The following CADM2 variants were observed in gnomAD, a reference collection of about 807,000 sequenced individuals.
CADM2 encodes the protein cell adhesion molecule 2, also known as immunoglobulin superfamily member 4D.
CADM2 carries 12 observed loss-of-function variants against 49.8 expected under a neutral mutation model. The ratio of observed to expected loss-of-function variants is 0.24; its 90% CI spans 0.15 to 0.39. The LOEUF (loss-of-function observed/expected upper bound fraction) is 0.39. Among genes scored for constraint, CADM2 ranks in the 10% least tolerant of loss-of-function variants. The pLI, the probability that CADM2 is intolerant of heterozygous loss-of-function variation, is 1.00. For synonymous variants in CADM2, 214 were observed against 175.4 expected (o/e 1.22, Z -1.74); for missense variants, 378 against 492.3 (o/e 0.77, Z 2.20).
At chr3:85,769,795 C>T (rs1459250658) in intron 2 of CADM2, among the ~76,000 whole-genome samples, 2 of 150,610 alleles carry the variant, frequency 1.3e-5, no homozygotes, top group Non-Finnish European at 2.9e-5. Context: ...TGATTTTGAC[C>T]TATAAGTAGA....
intron 1 of CADM2, among the ~76,000 whole-genome samples, chr3:85,156,692 A>G (rs745651255): frequency 8.8e-4 from 134 of 152,326 alleles, no homozygotes; most frequent in Admixed American, 4.7e-3. Flanking sequence ...CATATTTCAA[A>G]ATAATAAGAG....
At chr3:85,060,272 G>A (rs191598753) in intron 1 of CADM2, among the ~76,000 whole-genome samples, 368 of 151,974 alleles carry the variant, frequency 2.4e-3, no homozygotes, top group African/African-American at 7.5e-3. Flanking sequence ...GATTACAGGC[G>A]CCCACCACCA....
intron 1 of CADM2, among the ~76,000 whole-genome samples, chr3:85,125,955 T>C (rs2039020395): frequency 6.6e-6 from 1 of 152,228 alleles, no homozygotes; most frequent in Non-Finnish European, 1.5e-5. Flanking sequence ...TATATAATGT[T>C]CATTGTATCT....
chr3:85,212,895 TC>T (rs1323907930), intron 1 of CADM2, among the ~76,000 whole-genome samples: 1 of 136,016 alleles, frequency 7.4e-6, no homozygotes, highest in African/African-American at 3.5e-5. Flanking sequence ...TCTCTTTCTT[TC>T]TTTTAATGGA....
intron 1 of CADM2, among the ~76,000 whole-genome samples, chr3:85,372,857 A>G (rs2033350889): frequency 6.6e-6 from 1 of 151,984 alleles, no homozygotes. Context: ...AACCATCAGA[A>G]CTCATGAGAC....
At chr3:85,398,765 A>G (rs2034930366) in intron 1 of CADM2, among the ~76,000 whole-genome samples, 1 of 152,208 alleles carries the variant, frequency 6.6e-6, no homozygotes, top group African/African-American at 2.4e-5. Flanking sequence ...AGTGATGATG[A>G]GCATTTTTTA....
intron 1 of CADM2, among the ~76,000 whole-genome samples, chr3:85,689,717 G>A (rs9814427): frequency 1.1e-3 from 162 of 152,272 alleles, no homozygotes; most frequent in African/African-American, 3.8e-3. Context: ...ATTTTAAAAA[G>A]ATATTGAAAA....
Position 85,129,850 on chromosome 3 carries a change from T to C in CADM2, c.61+170182T>C, listed in dbSNP as rs534144670. 2.6e-5 allele frequency among the ~76,000 whole-genome samples: 4 copies of C among 152,238 alleles called. No homozygotes were observed. In the East Asian group the frequency reaches 5.8e-4, roughly 22 times the overall value. On this transcript the variant is annotated intron_variant, in intron 1 of 9. Transcript: ENST00000383699. ...TACATATAAACCCATGTTTGTACTA[T>C]AACACACTGACTCTAATAACTGGGA... is the stretch of plus-strand genomic sequence containing the variant.
At chr3:85,597,913 A>T (rs1420084454) in intron 1 of CADM2, among the ~76,000 whole-genome samples, 2 of 152,062 alleles carry the variant, frequency 1.3e-5, no homozygotes, top group Non-Finnish European at 2.9e-5. Flanking sequence ...GGAAAATGTG[A>T]TTAAATGCTG....
chr3:85,951,663 A>T (rs1367505367), intron 7 of CADM2, among the ~76,000 whole-genome samples: 1 of 150,730 alleles, frequency 6.6e-6, no homozygotes, highest in Non-Finnish European at 1.5e-5. Flanking sequence ...ACAACAAAAA[A>T]CCTCCAAGAT....
At chr3:85,634,050 C>CTT (rs2064388029) in intron 1 of CADM2, among the ~76,000 whole-genome samples, 1 of 151,830 alleles carries the variant, frequency 6.6e-6, no homozygotes, top group Non-Finnish European at 1.5e-5. Flanking sequence ...TTCCAGAGCT[C>CTT]TTTAGGTGAG....
At chr3:85,059,028 A>G (rs922522316) in intron 1 of CADM2, among the ~76,000 whole-genome samples, 12 of 151,870 alleles carry the variant, frequency 7.9e-5, no homozygotes, top group African/African-American at 2.9e-4. Flanking sequence ...TCATGAGGTC[A>G]GGAGATTGAC....
intron 1 of CADM2, among the ~76,000 whole-genome samples, chr3:85,397,053 C>A (rs2034826914): frequency 6.6e-6 from 1 of 151,910 alleles, no homozygotes; most frequent in African/African-American, 2.4e-5. Flanking sequence ...AAAACTCCTA[C>A]AACACAACAA....
intron 1 of CADM2, among the ~76,000 whole-genome samples, chr3:85,281,088 T>C (rs1003414135): frequency 2.0e-5 from 3 of 151,884 alleles, no homozygotes; most frequent in Non-Finnish European, 4.4e-5. Flanking sequence ...TATTTGGGAA[T>C]GTATGTAAAG....
intron 2 of CADM2, among the ~76,000 whole-genome samples, chr3:85,793,667 G>A (rs1031075167): frequency 3.9e-5 from 6 of 152,134 alleles, no homozygotes; most frequent in African/African-American, 1.4e-4. Flanking sequence ...TGGAGCTGGT[G>A]TGAGCCAACT....
intron 1 of CADM2, among the ~76,000 whole-genome samples, chr3:85,166,435 T>C (rs1048071325): frequency 6.6e-6 from 1 of 151,962 alleles, no homozygotes; most frequent in East Asian, 1.9e-4. Context: ...TATTCAGACA[T>C]AATTATCCTA....
rs946817430 is a variant in CADM2 at position 85,961,852 on chromosome 3, AT to A, written c.970+214del. ...CTGATAAAATTGTAACATACATAAA[AT>A]TTTTTTTTGTAAAAAGCTTTCTCAA... is the stretch of plus-strand genomic sequence containing the variant. On this transcript the variant is annotated intron_variant, in intron 8 of 9. Transcript: ENST00000383699. 1.0e-3 allele frequency among the ~76,000 whole-genome samples: 154 copies of A among 151,414 alleles called. 1 individual carries two copies. The highest frequency in any genetic ancestry group is 3.4e-3 in the Middle Eastern group (1 of 292).
At chr3:85,524,056 A>C (rs1471528501) in intron 1 of CADM2, among the ~76,000 whole-genome samples, 3 of 152,144 alleles carry the variant, frequency 2.0e-5, no homozygotes, top group Non-Finnish European at 2.9e-5. Flanking sequence ...AACACTGTGA[A>C]GATCATCCAC....
At chr3:85,487,261 T>G (rs989892909) in intron 1 of CADM2, among the ~76,000 whole-genome samples, 1 of 152,178 alleles carries the variant, frequency 6.6e-6, no homozygotes, top group African/African-American at 2.4e-5. Flanking sequence ...ATGCCTATAG[T>G]CTCAGTACTT....
Sources: gnomAD v4.1 joint callset for allele counts (sites outside exome capture counted in the v4.1 genomes callset) on GRCh38, gnomAD v4.1.1 for gene constraint, MANE v1.5 for transcripts, NCBI Gene and HGNC (gene_info 2026-07-23, HGNC 2026-07-21) for gene names.